The following MYO18B variants were observed in gnomAD, a reference collection of about 807,000 sequenced individuals.
The protein encoded by MYO18B is unconventional myosin-XVIIIb.
In MYO18B, 204 loss-of-function variants were observed where a neutral mutation model predicts 273.0. The ratio of observed to expected loss-of-function variants is 0.75; its 90% confidence interval spans 0.67 to 0.84. MYO18B has a LOEUF of 0.84. MYO18B is among the 40% of genes least tolerant of loss of function. The pLI is 0.00. For missense variants in MYO18B, 3,212 were observed against 3,287.6 expected (o/e 0.98, Z 0.56); for synonymous variants, 1,330 against 1,305.7 (o/e 1.02, Z -0.40).
In MYO18B at chr22:25,823,881, C is replaced by T. The variant is rs138119188; in HGVS notation, c.2695+203C>T. Among the ~76,000 whole-genome samples, 161 of 152,356 alleles carry T rather than the reference C, an allele frequency of 1.1e-3. 1 individual carries two copies. The highest frequency in any genetic ancestry group is 3.8e-3 in the African/African-American group (157 of 41,580). ...TCAAATAACTATCTCCATTCAGTGG[C>T]CATGAAGGCTGCTGAAACCTGGCAG... On this transcript the variant is annotated intron_variant, in intron 13 of 43. Coordinates refer to ENST00000335473, the MANE Select transcript of MYO18B (RefSeq NM_032608.7).
intron 12 of MYO18B, among the ~76,000 whole-genome samples, chr22:25,810,735 C>G (rs188815275): frequency 4.0e-5 from 6 of 151,734 alleles, no homozygotes; most frequent in Non-Finnish European, 5.9e-5. Context: ...CGTGCTTGGC[C>G]GACTTTAATT....
chr22:25,791,990 T>G (rs919398788), intron 11 of MYO18B, among the ~76,000 whole-genome samples: 5 of 152,368 alleles, frequency 3.3e-5, no homozygotes, highest in African/African-American at 9.6e-5. Context: ...GTACTTTCGT[T>G]CTTCCCACTG....
intron 18 of MYO18B, among the ~76,000 whole-genome samples, chr22:25,844,825 C>T (rs2090187310): frequency 6.6e-6 from 1 of 152,194 alleles, no homozygotes; most frequent in Non-Finnish European, 1.5e-5. Context: ...GAGTTGCGAG[C>T]ACACAGAGGA....
rs547890477 is a variant in MYO18B at position 25,985,790 on chromosome 22, C to T, written c.6157-6573C>T. Among the ~76,000 whole-genome samples the T allele has an allele frequency of 4.3e-4, 65 of 152,162 alleles. No homozygotes were observed. In the South Asian group the frequency reaches 0.012, roughly 28 times the overall value. ...GACTACAGGTGCATGCCACCACACT[C>T]GGCTAAATTTTTTGTATTTTTAATA... On this transcript the variant is annotated intron_variant, in intron 39 of 43. Transcript: ENST00000335473.
chr22:25,841,313 A>G (rs1005204877), intron 17 of MYO18B, among the ~76,000 whole-genome samples: 2 of 152,252 alleles, frequency 1.3e-5, no homozygotes, highest in African/African-American at 4.8e-5. Flanking sequence ...AGAAGTATCC[A>G]TGGGGCTCCT....
In MYO18B at chr22:25,768,358, G is replaced by GT. The variant is rs1219003271; in HGVS notation, c.443dup (p.Arg149GlufsTer4). ...AAAGACTGTCCCCTTCAAGAGGGGC[G>GT]TGAGGAGGGGTGATGTGTTGTTGAT... On this transcript the variant is annotated frameshift_variant, in exon 4 of 44. Coordinates refer to ENST00000335473, the MANE Select transcript of MYO18B (RefSeq NM_032608.7). LOFTEE classifies it high-confidence loss of function. The GT allele has an allele frequency of 6.2e-7, 1 of 1,613,652 alleles. No individual in the cohort carries two copies. Among genetic ancestry groups the GT allele is most frequent in the East Asian group, 2.2e-5 (1 of 44,880 alleles).
Position 25,967,157 on chromosome 22 carries a change from C to A in MYO18B, c.6156+11793C>A, listed in dbSNP as rs529406580. On this transcript the variant is annotated intron_variant, in intron 39 of 43. Coordinates refer to ENST00000335473, the MANE Select transcript of MYO18B (RefSeq NM_032608.7). Reference sequence around the variant, plus strand: ...GAGATTTCATCAATTGAACTTTCGTCACTTCAGACTTGCTGGAAATTAGAG... The same window carrying A: ...GAGATTTCATCAATTGAACTTTCGTAACTTCAGACTTGCTGGAAATTAGAG... Among the ~76,000 whole-genome samples the A allele has an allele frequency of 2.0e-5, 3 of 152,288 alleles. No homozygotes were observed. In the East Asian group the frequency reaches 5.8e-4, roughly 29 times the overall value.
intron 1 of MYO18B, among the ~76,000 whole-genome samples, chr22:25,753,987 G>A (rs2146551024): frequency 6.6e-6 from 1 of 152,360 alleles, no homozygotes; most frequent in South Asian, 2.1e-4. Context: ...TGATGCTCCT[G>A]TCTTGGCTTC....
intron 11 of MYO18B, among the ~76,000 whole-genome samples, chr22:25,794,221 C>A (rs770910859): frequency 1.3e-5 from 2 of 150,696 alleles, no homozygotes; most frequent in Non-Finnish European, 3.0e-5. Flanking sequence ...TGTGAGCCAC[C>A]GCACCTGGCC....
chr22:25,761,683 A>G (rs2086324611), intron 2 of MYO18B, among the ~76,000 whole-genome samples: 1 of 151,830 alleles, frequency 6.6e-6, no homozygotes, highest in African/African-American at 2.4e-5. Flanking sequence ...CCCTCACTCC[A>G]CCTTGTGCAT....
At chr22:25,854,869 T>G (rs1215469782) in intron 21 of MYO18B, among the ~76,000 whole-genome samples, 1 of 152,222 alleles carries the variant, frequency 6.6e-6, no homozygotes, top group African/African-American at 2.4e-5. Flanking sequence ...TGAAAAATAT[T>G]CCATTGTGGA....
rs1038633331 is a variant in MYO18B, at chr22:25,910,861, C to T, written c.5260-85C>T. The T allele has an allele frequency of 4.2e-5, 45 of 1,075,384 alleles. 1 individual carries two copies. The highest frequency in any genetic ancestry group is 2.8e-5 in the South Asian group (2 of 71,576). The allele number at this position is 1,075,384 out of a possible 1,614,324, so 66.6% of individuals were successfully genotyped here. On this transcript the variant is annotated intron_variant, in intron 32 of 43. Transcript: ENST00000335473. Reference sequence around the variant, plus strand: ...ACAAAGCCACAAGCTCTACATTCCTCCGCCTTCTGAGGGTCCTTGCCTTGT... The same window carrying T: ...ACAAAGCCACAAGCTCTACATTCCTTCGCCTTCTGAGGGTCCTTGCCTTGT...
intron 40 of MYO18B, among the ~76,000 whole-genome samples, chr22:26,001,815 G>A (rs888897726): frequency 6.6e-6 from 1 of 152,212 alleles, no homozygotes; most frequent in Non-Finnish European, 1.5e-5. Context: ...TCTGAATGCC[G>A]AGTCCACCCG....
At chr22:26,001,288 A>C (rs1187693379) in intron 40 of MYO18B, among the ~76,000 whole-genome samples, 1 of 152,264 alleles carries the variant, frequency 6.6e-6, no homozygotes. Context: ...CTAAATGAAG[A>C]GAGCTTAACA....
At chr22:25,781,272 A>T (rs1410963870) in intron 9 of MYO18B, among the ~76,000 whole-genome samples, 1 of 152,178 alleles carries the variant, frequency 6.6e-6, no homozygotes, top group African/African-American at 2.4e-5. Context: ...TCTGACGTGG[A>T]GGTTGCCAGC....
At chr22:25,952,775 A>G (rs1384434338) in intron 38 of MYO18B, among the ~76,000 whole-genome samples, 2 of 151,822 alleles carry the variant, frequency 1.3e-5, no homozygotes, top group Admixed American at 6.6e-5. Context: ...CCATTCTTCT[A>G]TGCATTGATC....
At chr22:25,993,670 C>T (rs1932930700) in intron 40 of MYO18B, among the ~76,000 whole-genome samples, 1 of 152,154 alleles carries the variant, frequency 6.6e-6, no homozygotes, top group East Asian at 1.9e-4. Flanking sequence ...CAGACCTTTG[C>T]CATTCACACC....
At chr22:26,051,335 T>G in the MYO18B span, among the ~76,000 whole-genome samples, 3 of 147,814 alleles carry the variant, frequency 2.0e-5, no homozygotes, top group African/African-American at 7.5e-5. Context: ...GCCATTCTCC[T>G]GCCTCAGCCT....
intron 39 of MYO18B, among the ~76,000 whole-genome samples, chr22:25,990,612 G>A (rs2093254805): frequency 1.4e-5 from 2 of 147,076 alleles, no homozygotes; most frequent in South Asian, 2.2e-4. Context: ...GCTTGGACCC[G>A]GGAGGTGGAG....
Sources: allele counts gnomAD v4.1 joint callset (sites outside exome capture counted in the v4.1 genomes callset), GRCh38; gene constraint gnomAD v4.1.1; transcripts MANE v1.5; gene names NCBI Gene and HGNC (gene_info 2026-07-23, HGNC 2026-07-21).